Variants in HAGH observed in about 807,000 individuals in gnomAD.
The protein encoded by HAGH is hydroxyacylglutathione hydrolase, mitochondrial.
In HAGH, 29 loss-of-function variants were observed where a neutral mutation model predicts 35.1. That is an observed-to-expected ratio of 0.83 (90% confidence interval 0.62 to 1.13). The LOEUF (loss-of-function observed/expected upper bound fraction) is 1.13, where lower values mean the gene tolerates loss of function less well. Among genes scored for constraint, HAGH ranks in the 50% most tolerant of loss-of-function variants. The pLI, the probability that HAGH is intolerant of heterozygous loss-of-function variation, is 0.00. For missense variants in HAGH, 478 were observed against 419.6 expected (o/e 1.14, Z -1.22); for synonymous variants, 225 against 176.1 (o/e 1.28, Z -2.20).
intron 7 of HAGH, 47 bp downstream of exon 7, chr16:1,816,846 C>T (rs1334968393): frequency 8.3e-7 from 1 of 1,211,228 alleles, no homozygotes. Context: ...GCACAGCGGC[C>T]CTGAGCAGCC....
intron 2 of HAGH, 85 bp downstream of exon 2, chr16:1,822,780 G>C: frequency 5.2e-6 from 6 of 1,154,308 alleles, no homozygotes; most frequent in Non-Finnish European, 7.7e-6. Context: ...AAGTTGCAAG[G>C]ACACTGCGGT....
intron 1 of HAGH, among the ~76,000 whole-genome samples, chr16:1,826,256 G>A (rs887857341): frequency 6.6e-6 from 1 of 151,502 alleles, no homozygotes; most frequent in Non-Finnish European, 1.5e-5. Flanking sequence ...GTCCCCAGAC[G>A]GGGGCTCCGG....
intron 1 of HAGH, 68 bp downstream of exon 1, chr16:1,826,641 GGCC>G (rs1193065325): frequency 7.2e-6 from 7 of 967,148 alleles, no homozygotes; most frequent in African/African-American, 3.5e-5. Flanking sequence ...GCCAAACGAC[GGCC>G]CGGCGCCGCC....
intron 5 of HAGH, among the ~76,000 whole-genome samples, chr16:1,817,839 C>A (rs886426181): frequency 3.9e-5 from 6 of 152,330 alleles, no homozygotes; most frequent in African/African-American, 9.6e-5. Context: ...TGCTGCTTCG[C>A]GGCTGTCCTG....
rs542154873 is a variant in HAGH at position 1,808,130 on chromosome 16, G to C, written c.*1153C>G. The C allele has an allele frequency of 1.8e-4, 27 of 152,250 alleles. No individual in the cohort carries two copies. Among genetic ancestry groups the C allele is most frequent in the African/African-American group, 6.5e-4 (27 of 41,522 alleles). 9.4% of individuals were successfully genotyped at this position (152,250 alleles called of 1,614,324 possible). A position where few individuals can be genotyped will look rare whatever the true frequency, so the allele number is the denominator to read the frequency against. On this transcript the variant is annotated 3_prime_UTR_variant, in exon 9 of 9. Coordinates refer to ENST00000397356, the MANE Select transcript of HAGH (RefSeq NM_005326.6). ...CTGCATGATTAATTAATTTCTTTGA[G>C]ACAGGGTCTCCCTGTTCCCCAAGCC...
rs753691024 is a variant in HAGH at position 1,809,847 on chromosome 16, G to A, written c.748-14C>T. ...GCTGTACTTCTCCTGCAAGAGAAAC[G>A]CACCACTTTATCACGGGAACTTCAC... On this transcript the variant is annotated splice_polypyrimidine_tract_variant and intron_variant, in intron 7 of 8. Transcript: ENST00000397356. The A allele has an allele frequency of 1.8e-5, 29 of 1,604,060 alleles. No individual in the cohort carries two copies. Among genetic ancestry groups the A allele is most frequent in the African/African-American group, 1.1e-4 (8 of 74,688 alleles).
chr16:1,821,987 C>T, intron 3 of HAGH: 1 of 277,632 alleles, frequency 3.6e-6, no homozygotes. Flanking sequence ...CACCTGTAGA[C>T]TCATTTCCTC....
Position 1,819,240 on chromosome 16 carries a change from G to A in HAGH, c.433-17C>T, listed in dbSNP as rs1217229728. On this transcript the variant is annotated splice_polypyrimidine_tract_variant and intron_variant, in intron 4 of 8. Transcript: ENST00000397356. ...AGACCCCACCTTCAACAAAGCAGGC[G>A]ACCGCGTGTGCTCCCAGACACCCTG... is the stretch of plus-strand genomic sequence containing the variant. 31 of 1,517,264 alleles carry A rather than the reference G, an allele frequency of 2.0e-5. No homozygotes were observed. Among genetic ancestry groups the A allele is most frequent in the East Asian group, 9.2e-5 (4 of 43,586 alleles). The allele number at this position is 1,517,264 out of a possible 1,614,324, so 94.0% of individuals were successfully genotyped here.
Position 1,819,156 on chromosome 16 carries a change from A to C in HAGH, c.500T>G (p.Val167Gly), listed in dbSNP as rs895402226. ...CHTSGHICYF[V>G]SKPGGSEPPA... ...GGGCTCCGAGCCTCCGGGCTTGCTC[A>C]CGAAGTAACAAATGTGTCCTGAAGT... The change falls in exon 5 of 9, where the codon GTG (valine) becomes GGG (glycine). Residue 167 changes from valine (V) to glycine (G), a missense_variant. Coordinates refer to ENST00000397356, the MANE Select transcript of HAGH (RefSeq NM_005326.6). 6.2e-7 allele frequency: 1 copy of C among 1,613,280 alleles called. No individual in the cohort carries two copies. The highest frequency in any genetic ancestry group is 8.5e-7 in the Non-Finnish European group (1 of 1,179,720).
chr16:1,823,052 C>T lies in HAGH; in HGVS notation c.77-15G>A, dbSNP rs746877504. ...CAGGGCTGGACCTGCAGACACAGAG[C>T]ACAACTCAGCGGGCAGCCGCGCCAG... On this transcript the variant is annotated splice_polypyrimidine_tract_variant and intron_variant, in intron 1 of 8. Coordinates refer to ENST00000397356, the MANE Select transcript of HAGH (RefSeq NM_005326.6). 4 of 1,612,306 alleles carry T rather than the reference C, an allele frequency of 2.5e-6. No individual in the cohort carries two copies. Among genetic ancestry groups the T allele is most frequent in the Admixed American group, 1.7e-5 (1 of 60,026 alleles).
At chr16:1,823,128 T>A in intron 1 of HAGH, 91 bp from the exon 2 acceptor site, 1 of 1,160,398 alleles carries the variant, frequency 8.6e-7, no homozygotes, top group Non-Finnish European at 1.3e-6. Flanking sequence ...CCTTTCTAGG[T>A]TCCTTTGAAA....
At chr16:1,812,666 A>C (rs1388274864) in intron 7 of HAGH, among the ~76,000 whole-genome samples, 1 of 152,190 alleles carries the variant, frequency 6.6e-6, no homozygotes, top group East Asian at 1.9e-4. Flanking sequence ...AAATTTTTTG[A>C]CCTTGGGATA....
At chr16:1,813,085 C>T (rs73485872) in intron 7 of HAGH, among the ~76,000 whole-genome samples, 14,472 of 152,272 alleles carry the variant, frequency 0.095, 870 homozygotes, top group African/African-American at 0.17. Context: ...TCCCTCCAAA[C>T]GCATGCTCAA....
At chr16:1,809,489 G>A (rs1897538880) in intron 8 of HAGH, 107 bp from the exon 9 acceptor site, 3 of 870,276 alleles carry the variant, frequency 3.4e-6, no homozygotes, top group Non-Finnish European at 5.5e-6. Context: ...CCAGCCCTCA[G>A]AGGACACGGA....
chr16:1,822,943 C>G lies in HAGH; in HGVS notation c.171G>C (p.Leu57=), dbSNP rs950750134. 6.2e-7 allele frequency: 1 copy of G among 1,613,698 alleles called. No individual in the cohort carries two copies. The highest frequency in any genetic ancestry group is 1.3e-5 in the African/African-American group (1 of 74,922). ...TGACCAGGTACATGTAGTTGTCGGTCAGGGCAGGCAGCACCTCTACCTTCA... is the reference window on the plus strand; with the variant it reads ...TGACCAGGTACATGTAGTTGTCGGTGAGGGCAGGCAGCACCTCTACCTTCA... ...GTMKVEVLPA[L]TDNYMYLVID... Residue 57 remains leucine, a synonymous_variant, in exon 2 of 9, where the codon CTG becomes CTC. Transcript: ENST00000397356.
intron 5 of HAGH, chr16:1,818,383 C>T (rs1898000212): frequency 2.6e-5 from 4 of 152,854 alleles, no homozygotes; most frequent in African/African-American, 9.6e-5. Flanking sequence ...CTCCGCCCTC[C>T]TCTGGGGCTC....
Position 1,808,632 on chromosome 16 carries a change from G to A in HAGH, c.*651C>T, listed in dbSNP as rs111840850. 1 of 8,044 alleles carries A rather than the reference G, an allele frequency of 1.2e-4. No individual in the cohort carries two copies. Among genetic ancestry groups the A allele is most frequent in the South Asian group, 2.3e-3 (1 of 434 alleles). 0.5% of individuals were successfully genotyped at this position (8,044 alleles called of 1,614,324 possible). A position where few individuals can be genotyped will look rare whatever the true frequency, so the allele number is the denominator to read the frequency against. On this transcript the variant is annotated 3_prime_UTR_variant, in exon 9 of 9. Transcript: ENST00000397356. Reference sequence around the variant, plus strand: ...CAGATTAGCCTTAGGGGTTGCCTTTGTCCTGCCCTTCCCTCATAGACCCTC... The same window carrying A: ...CAGATTAGCCTTAGGGGTTGCCTTTATCCTGCCCTTCCCTCATAGACCCTC...
Position 1,812,156 on chromosome 16 carries a change from C to G in HAGH, c.748-2323G>C, listed in dbSNP as rs370673970. On this transcript the variant is annotated intron_variant, in intron 7 of 8. Transcript: ENST00000397356. ...AGTGAGCCGAGATTGTGCCACTGCACTCCAGCCTGGGCAGCAGAGCAAGAC... is the reference window on the plus strand; with the variant it reads ...AGTGAGCCGAGATTGTGCCACTGCAGTCCAGCCTGGGCAGCAGAGCAAGAC... 1.5e-4 allele frequency among the ~76,000 whole-genome samples: 22 copies of G among 146,356 alleles called. No homozygotes were observed. The South Asian group carries it at 4.7e-3, about 31-fold the overall frequency.
Position 1,819,230 on chromosome 16 carries a change from C to T in HAGH, c.433-7G>A. ...TGACGTTCAGAGACCCCACCTTCAA[C>T]AAAGCAGGCGACCGCGTGTGCTCCC... On this transcript the variant is annotated splice_region_variant and splice_polypyrimidine_tract_variant and intron_variant, in intron 4 of 8. Transcript: ENST00000397356. 2 of 1,586,046 alleles carry T rather than the reference C, an allele frequency of 1.3e-6. No individual in the cohort carries two copies.
Sources: allele counts gnomAD v4.1 joint callset (sites outside exome capture counted in the v4.1 genomes callset), GRCh38; gene constraint gnomAD v4.1.1; transcripts MANE v1.5; gene names NCBI Gene and HGNC (gene_info 2026-07-23, HGNC 2026-07-21).